The following WBP2 variants were observed in gnomAD, a reference collection of about 807,000 sequenced individuals.
The protein encoded by WBP2 is WW domain binding protein 2.
Under a neutral mutation model 33.0 loss-of-function variants are expected in WBP2, and 23 were observed. The ratio of observed to expected loss-of-function variants is 0.70; its 90% CI spans 0.50 to 0.99. The LOEUF (loss-of-function observed/expected upper bound fraction) is 0.99, where lower values mean the gene tolerates loss of function less well. WBP2 is among the 50% of genes least tolerant of loss of function. The probability of loss-of-function intolerance (pLI) is 0.00; values close to 1 mark genes in which losing one functional copy is unlikely to be tolerated. For missense variants in WBP2, 353 were observed against 358.0 expected, an observed-to-expected ratio of 0.99 and a Z score of 0.11; for synonymous variants, 153 against 133.5, an observed-to-expected ratio of 1.15 and a Z score of -1.01.
chr17:75,848,639 A>G lies in WBP2; in HGVS notation c.328T>C (p.Tyr110His), dbSNP rs1256060759. ...CCCCCTGCCGTGAAAGTCAACTTGT[A>G]GGAAGCAGAGCCTTCCCAGCCACCT... is the stretch of plus-strand genomic sequence containing the variant. ...AGGGWEGSAS[Y>H]KLTFTAGGAI... Residue 110 changes from tyrosine (Y) to histidine (H), a missense_variant, in exon 4 of 8, where the codon TAC becomes CAC. Coordinates refer to ENST00000254806, the MANE Select transcript of WBP2 (RefSeq NM_012478.4). The G allele has an allele frequency of 6.2e-7, 1 of 1,613,886 alleles. No homozygotes were observed. The highest frequency in any genetic ancestry group is 8.5e-7 in the Non-Finnish European group (1 of 1,179,960).
At chr17:75,849,813 G>T in intron 2 of WBP2, 74 bp from the exon 3 acceptor site, 1 of 1,572,762 alleles carries the variant, frequency 6.4e-7, no homozygotes, top group Non-Finnish European at 8.6e-7. Flanking sequence ...CCTGCTTCCT[G>T]GGAGTGACGA....
chr17:75,855,405 G>C, upstream of WBP2: 1 of 1,338,620 alleles, frequency 7.5e-7, no homozygotes, highest in East Asian at 2.3e-5. Flanking sequence ...CAAAGCTCGA[G>C]TGCGGAGGCT....
chr17:75,855,703 T>C (rs916632699), upstream of WBP2, among the ~76,000 whole-genome samples: 2 of 152,262 alleles, frequency 1.3e-5, no homozygotes, highest in African/African-American at 4.8e-5. Flanking sequence ...GGGCGCGATC[T>C]TGGGGACTCC....
At chr17:75,849,539 AG>A in intron 3 of WBP2, 64 bp downstream of exon 3, 1 of 1,598,624 alleles carries the variant, frequency 6.3e-7, no homozygotes, top group Non-Finnish European at 8.5e-7. Flanking sequence ...CCACGGCGGC[AG>A]TCAGAGGTTC....
At chr17:75,852,794 C>G (rs547526017) in intron 1 of WBP2, 9 of 985,106 alleles carry the variant, frequency 9.1e-6, no homozygotes, top group Non-Finnish European at 1.1e-5. Flanking sequence ...GATAGATGTT[C>G]TGTTTTTGCT....
intron 4 of WBP2, 24 bp downstream of exon 4, chr17:75,848,546 C>T (rs1215365960): frequency 1.9e-6 from 3 of 1,606,686 alleles, no homozygotes; most frequent in East Asian, 2.2e-5. Flanking sequence ...TGTCTTTAGC[C>T]CCTAATCTTC....
upstream of WBP2, among the ~76,000 whole-genome samples, chr17:75,855,710 C>G (rs1463485): frequency 0.29 from 44,198 of 152,260 alleles, 7,991 homozygotes; most frequent in African/African-American, 0.51. Context: ...ATCTTGGGGA[C>G]TCCGGCAGCG....
chr17:75,846,607 G>A lies in WBP2; in HGVS notation c.*127C>T. ...CTAATGTCCCACAATGCTAGTTCCT[G>A]GTAATTGTTTATGATCAGACCTGGA... On this transcript the variant is annotated 3_prime_UTR_variant, in exon 8 of 8. Coordinates refer to ENST00000254806, the MANE Select transcript of WBP2 (RefSeq NM_012478.4). This position sits in a 1 kb window ranked among gnomAD's most constrained non-coding sequence, Gnocchi z 4.8. 8.4e-7 allele frequency: 1 copy of A among 1,192,318 alleles called. No individual in the cohort carries two copies. Among genetic ancestry groups the A allele is most frequent in the Non-Finnish European group, 1.2e-6 (1 of 825,796 alleles). The allele number at this position is 1,192,318 out of a possible 1,614,324, so 73.9% of individuals were successfully genotyped here.
Position 75,846,628 on chromosome 17 carries a change from C to A in WBP2, c.*106G>T. ...TCCTGGTAATTGTTTATGATCAGAC[C>A]TGGAGGGAGAACAAGGCGCCCCCTC... On this transcript the variant is annotated 3_prime_UTR_variant, in exon 8 of 8. Coordinates refer to ENST00000254806, the MANE Select transcript of WBP2 (RefSeq NM_012478.4). This position sits in a 1 kb window ranked among gnomAD's most constrained non-coding sequence, Gnocchi z 4.8. 2 of 1,301,918 alleles carry A rather than the reference C, an allele frequency of 1.5e-6. No individual in the cohort carries two copies. Among genetic ancestry groups the A allele is most frequent in the Non-Finnish European group, 2.2e-6 (2 of 925,604 alleles). 80.6% of individuals were successfully genotyped at this position (1,301,918 alleles called of 1,614,324 possible).
chr17:75,850,725 C>G (rs886103821), intron 2 of WBP2, among the ~76,000 whole-genome samples: 2 of 151,864 alleles, frequency 1.3e-5, no homozygotes, highest in African/African-American at 4.8e-5. Flanking sequence ...GGCAGGGTCT[C>G]ACTCTGTTGC....
chr17:75,855,345 C>A (rs773949205), upstream of WBP2: 2 of 1,599,892 alleles, frequency 1.3e-6, no homozygotes, highest in South Asian at 2.2e-5. Flanking sequence ...TGAGCTTGCG[C>A]CCCTCTTCGC....
chr17:75,850,283 T>C (rs1191666165), intron 2 of WBP2, among the ~76,000 whole-genome samples: 1 of 151,956 alleles, frequency 6.6e-6, no homozygotes, highest in African/African-American at 2.4e-5. Flanking sequence ...TCTTACTCTG[T>C]TGCCTGGGCT....
rs1398583436 is a variant in WBP2, at chr17:75,851,631, C to T, written c.105G>A (p.Met35Ile). The part of the protein sequence containing the change: ...YDHVELTFND[M>I]KNVPEAFKGT... ...CTTTGAAGGCTTCTGGCACGTTCTT[C>T]ATGTCATTGAATGTGAGTTCCACGT... Residue 35 changes from methionine to isoleucine, a missense_variant, in exon 2 of 8, where the codon ATG becomes ATA. Coordinates refer to ENST00000254806, the MANE Select transcript of WBP2 (RefSeq NM_012478.4). 1 of 1,613,776 alleles carries T rather than the reference C, an allele frequency of 6.2e-7. No individual in the cohort carries two copies. The highest frequency in any genetic ancestry group is 1.1e-5 in the South Asian group (1 of 91,066).
At chr17:75,852,834 A>T (rs2065035853) in intron 1 of WBP2, 3 of 979,564 alleles carry the variant, frequency 3.1e-6, no homozygotes, top group African/African-American at 1.8e-5. Context: ...AAATATAAAC[A>T]TGTCTAAGAG....
chr17:75,850,818 C>T (rs1298388977), intron 2 of WBP2, among the ~76,000 whole-genome samples: 3 of 152,110 alleles, frequency 2.0e-5, no homozygotes, highest in South Asian at 2.1e-4. Context: ...CCTTACCTCT[C>T]GGGTAGCTGA....
rs371854572 is a variant in WBP2, at chr17:75,847,507, T to G, written c.635A>C (p.Asp212Ala). 4 of 1,590,530 alleles carry G rather than the reference T, an allele frequency of 2.5e-6. No homozygotes were observed. Among genetic ancestry groups the G allele is most frequent in the Non-Finnish European group, 3.4e-6 (4 of 1,168,366 alleles). Residue 212 changes from aspartate to alanine, a missense_variant, in exon 6 of 8, where the codon GAT (aspartate) becomes GCT (alanine). Transcript: ENST00000254806. The stretch of plus-strand genomic sequence containing the variant: ...CTCACCTGCAGGAGTGGAGGGGACA[T>G]CGGGGCCGCTGACCGGAGGTTCCAT... The part of the protein sequence containing the change: ...GPMEPPVSGP[D>A]VPSTPAAEAK...
chr17:75,850,475 G>A (rs1007033379), intron 2 of WBP2, among the ~76,000 whole-genome samples: 2 of 152,086 alleles, frequency 1.3e-5, no homozygotes, highest in Non-Finnish European at 2.9e-5. Flanking sequence ...TCGATCTCCT[G>A]ACCTCATGAT....
chr17:75,856,400 TC>T (rs2065058795), upstream of WBP2: 1 of 152,230 alleles, frequency 6.6e-6, no homozygotes, highest in African/African-American at 2.4e-5. Context: ...AACCTCTAGA[TC>T]CACCTGCTTG....
intron 6 of WBP2, 58 bp downstream of exon 6, chr17:75,847,429 C>A (rs755467260): frequency 1.9e-6 from 3 of 1,559,830 alleles, no homozygotes; most frequent in East Asian, 2.4e-5. Context: ...GCTCTCTGTG[C>A]GACATCGGGG....
Sources: gnomAD v4.1 joint callset for allele counts (sites outside exome capture counted in the v4.1 genomes callset) on GRCh38, gnomAD v4.1.1 for gene constraint, Gnocchi (gnomAD v3.1) non-coding constraint, MANE v1.5 for transcripts, NCBI Gene and HGNC (gene_info 2026-07-23, HGNC 2026-07-21) for gene names.